RYR1: variants seen among roughly 807,000 people sequenced by gnomAD.
RYR1 encodes central core disease of muscle.
In RYR1, 342 loss-of-function variants were observed where a neutral mutation model predicts 583.5. The observed-to-expected ratio is 0.59, with a 90% CI of 0.54 to 0.64. The LOEUF is 0.64. Among genes scored for constraint, RYR1 ranks in the 30% least tolerant of loss-of-function variants. The pLI, the probability that RYR1 is intolerant of heterozygous loss-of-function variation, is 0.00. For missense variants in RYR1, 6,032 were observed against 6,917.2 expected (o/e 0.87, Z 4.54); for synonymous variants, 2,791 against 2,822.5 (o/e 0.99, Z 0.35).
chr19:38,477,898 T>TGGTGGTTGGG, intron 30 of RYR1, 28 bp downstream of exon 30: 1 of 873,692 alleles, frequency 1.1e-6, no homozygotes, highest in Non-Finnish European at 1.8e-6. Context: ...AGGTGGGAGG[T>TGGTGGTTGGG]GCAGGGTGGG....
rs542338960 is a variant in RYR1, at chr19:38,464,497, G to C, written c.2787-142G>C. 3.8e-5 allele frequency: 25 copies of C among 657,740 alleles called. 1 individual carries two copies. The South Asian group carries it at 4.2e-4, about 11-fold the overall frequency. 40.7% of individuals were successfully genotyped at this position (657,740 alleles called of 1,614,324 possible). A position where few individuals can be genotyped will look rare whatever the true frequency, so the allele number is the denominator to read the frequency against. On this transcript the variant is annotated intron_variant, in intron 22 of 105. Transcript: ENST00000359596. ...ACAGAAGTCATGAAGCCTGAGGCCA[G>C]GATCAAGAGAGACAGGGCCAGAGCG...
intron 72 of RYR1, among the ~76,000 whole-genome samples, 194 bp downstream of exon 72, chr19:38,527,246 C>T (rs1358319482): frequency 6.6e-6 from 1 of 152,216 alleles, no homozygotes; most frequent in African/African-American, 2.4e-5. Flanking sequence ...CACAATGGCT[C>T]ATGCCTGTAA....
chr19:38,516,176 C>T lies in RYR1; in HGVS notation c.9644C>T (p.Ala3215Val), dbSNP rs1353903570. 1 of 1,568,626 alleles carries T rather than the reference C, an allele frequency of 6.4e-7. No homozygotes were observed. The highest frequency in any genetic ancestry group is 8.6e-7 in the Non-Finnish European group (1 of 1,156,488). Residue 3215 changes from alanine (A) to valine (V), a missense_variant, in exon 65 of 106, where the codon GCC (alanine) becomes GTC (valine). Ala to Val is a moderately conservative substitution (Grantham distance 64). Around this residue, in one of 11 missense-constraint regions of RYR1, gnomAD observed 1,493 missense variants for 1,715.5 expected, o/e 0.87. Transcript: ENST00000359596. The part of the protein sequence containing the change: ...FLEPQLNEYN[A>V]CSVYTTKSPR... ...GAGCCGCAGCTGAACGAGTACAACGCCTGCTCCGTGTACACCACCAAGTCT... is the reference window on the plus strand; with the variant it reads ...GAGCCGCAGCTGAACGAGTACAACGTCTGCTCCGTGTACACCACCAAGTCT...
In RYR1 at chr19:38,499,420, G is replaced by A. The variant is rs1034246934; in HGVS notation, c.7027+177G>A. On this transcript the variant is annotated intron_variant, in intron 43 of 105. Coordinates refer to ENST00000359596, the MANE Select transcript of RYR1 (RefSeq NM_000540.3). This position sits in a 1 kb window ranked among gnomAD's most constrained non-coding sequence, Gnocchi z 7.3. Reference sequence around the variant, plus strand: ...CCTGGAGGTGTTGGGTCCTGTGGCTGGCAGTGTTGGATCCTGGGGCTGGCG... The same window carrying A: ...CCTGGAGGTGTTGGGTCCTGTGGCTAGCAGTGTTGGATCCTGGGGCTGGCG... Among the ~76,000 whole-genome samples the A allele has an allele frequency of 1.3e-5, 2 of 151,652 alleles. No individual in the cohort carries two copies. Among genetic ancestry groups the A allele is most frequent in the Non-Finnish European group, 2.9e-5 (2 of 67,892 alleles).
Position 38,575,972 on chromosome 19 carries a change from A to G in RYR1, c.14172+11A>G, listed in dbSNP as rs912044846. The stretch of plus-strand genomic sequence containing the variant: ...TTTGTCAAGCGCAAGGTGAGAGGAC[A>G]TGGATGCCCTGGGTCCTGGATTGGG... On this transcript the variant is annotated intron_variant, in intron 97 of 105. Coordinates refer to ENST00000359596, the MANE Select transcript of RYR1 (RefSeq NM_000540.3). The G allele has an allele frequency of 1.2e-6, 2 of 1,614,112 alleles. No individual in the cohort carries two copies. Among genetic ancestry groups the G allele is most frequent in the Non-Finnish European group, 1.7e-6 (2 of 1,179,942 alleles).
chr19:38,539,938 A>G (rs1013528187), intron 84 of RYR1, among the ~76,000 whole-genome samples: 12 of 151,702 alleles, frequency 7.9e-5, no homozygotes, highest in African/African-American at 2.9e-4. Flanking sequence ...AATTAACACA[A>G]ATAAAGGAGT....
In RYR1 at chr19:38,460,597, GC is replaced by G; in HGVS notation, c.2577+8del. ...GCCCTGTGGACACTGTCCAGGTACTGCCTGCCCTGCAAAGGTTTTCTGGCGA... is the reference window on the plus strand; with the variant it reads ...GCCCTGTGGACACTGTCCAGGTACTGCTGCCCTGCAAAGGTTTTCTGGCGA... On this transcript the variant is annotated splice_region_variant and intron_variant, in intron 20 of 105. Coordinates refer to ENST00000359596, the MANE Select transcript of RYR1 (RefSeq NM_000540.3). 6.2e-7 allele frequency: 1 copy of G among 1,608,714 alleles called. No individual in the cohort carries two copies. The highest frequency in any genetic ancestry group is 8.5e-7 in the Non-Finnish European group (1 of 1,179,514).
intron 89 of RYR1, among the ~76,000 whole-genome samples, chr19:38,560,586 A>G (rs1166871652): frequency 6.6e-6 from 1 of 150,656 alleles, no homozygotes; most frequent in Non-Finnish European, 1.5e-5. Flanking sequence ...AAAATTAGCC[A>G]GGTGTGGTGG....
chr19:38,442,490 G>A, intron 3 of RYR1, 37 bp downstream of exon 3: 1 of 1,521,458 alleles, frequency 6.6e-7, no homozygotes. Flanking sequence ...GGGTGGCAGA[G>A]ATGGGCGAGA....
Position 38,561,069 on chromosome 19 carries a change from G to T in RYR1, c.12283-44G>T. On this transcript the variant is annotated intron_variant, in intron 89 of 105. Coordinates refer to ENST00000359596, the MANE Select transcript of RYR1 (RefSeq NM_000540.3). The surrounding 1 kb of genome is among the most constrained non-coding windows in gnomAD (Gnocchi z 4.8). ...AAAAAAAAAAAAAAGAGAGAGAATT[G>T]AGGCTCTCCAGGTCACCCCACTGAC... 282 of 1,343,316 alleles carry T rather than the reference G, an allele frequency of 2.1e-4. No homozygotes were observed. Among genetic ancestry groups the T allele is most frequent in the Non-Finnish European group, 2.7e-4 (258 of 940,594 alleles). 83.2% of individuals were successfully genotyped at this position (1,343,316 alleles called of 1,614,324 possible). A position where few individuals can be genotyped will look rare whatever the true frequency, so the allele number is the denominator to read the frequency against.
chr19:38,541,408 G>C (rs1042320729), intron 84 of RYR1, among the ~76,000 whole-genome samples: 1 of 152,176 alleles, frequency 6.6e-6, no homozygotes, highest in Non-Finnish European at 1.5e-5. Context: ...ACATGTATCA[G>C]GTCTCAATGT....
Position 38,499,252 on chromosome 19 carries a change from G to T in RYR1, c.7027+9G>T, listed in dbSNP as rs752243108. 3.6e-5 allele frequency: 58 copies of T among 1,614,162 alleles called. No individual in the cohort carries two copies. In the East Asian group the frequency reaches 1.2e-3, roughly 34 times the overall value. ...TGCTGTCTTCGTCAACGGTGAGGAG[G>T]GGGTGGCAGTGGCAGAGCGGGAAGT... is the stretch of plus-strand genomic sequence containing the variant. On this transcript the variant is annotated intron_variant, in intron 43 of 105. Coordinates refer to ENST00000359596, the MANE Select transcript of RYR1 (RefSeq NM_000540.3). This position sits in a 1 kb window ranked among gnomAD's most constrained non-coding sequence, Gnocchi z 7.3.
chr19:38,546,937 G>T (rs1974492710), intron 88 of RYR1, among the ~76,000 whole-genome samples: 1 of 149,978 alleles, frequency 6.7e-6, no homozygotes, highest in South Asian at 2.1e-4. Context: ...GGGTGACAGA[G>T]CAAGACCCTG....
rs751541036 is a variant in RYR1, at chr19:38,573,179, G to T, written c.14001G>T (p.Val4667=). The change falls in exon 96 of 106, where the codon GTG becomes GTT. Residue 4667 remains valine, a splice_region_variant and synonymous_variant. Coordinates refer to ENST00000359596, the MANE Select transcript of RYR1 (RefSeq NM_000540.3). ...LCIIGYNCLK[V]PLVIFKREKE... is the part of the protein sequence containing the mutation. ...TTTGGCCTCCTCCCACTATCCAGGTGCCCCTGGTAATCTTTAAGCGGGAGA... is the reference window on the plus strand; with the variant it reads ...TTTGGCCTCCTCCCACTATCCAGGTTCCCCTGGTAATCTTTAAGCGGGAGA... 11 of 1,613,700 alleles carry T rather than the reference G, an allele frequency of 6.8e-6. No individual in the cohort carries two copies. Among genetic ancestry groups the T allele is most frequent in the Non-Finnish European group, 8.5e-7 (1 of 1,179,826 alleles).
chr19:38,564,649 C>T (rs993124231), intron 90 of RYR1, among the ~76,000 whole-genome samples: 2 of 151,934 alleles, frequency 1.3e-5, no homozygotes, highest in African/African-American at 4.8e-5. Flanking sequence ...TCCCGAGTAA[C>T]GGATTACAGG....
chr19:38,519,864 A>G (rs1213333358), intron 67 of RYR1, among the ~76,000 whole-genome samples: 2 of 151,806 alleles, frequency 1.3e-5, no homozygotes, highest in African/African-American at 4.8e-5. Context: ...TTTTTAGTAG[A>G]GACAGATTTT....
intron 34 of RYR1, 105 bp downstream of exon 34, chr19:38,486,307 A>G (rs1357854018): frequency 2.1e-5 from 28 of 1,347,212 alleles, no homozygotes; most frequent in Non-Finnish European, 6.4e-6. Context: ...CCAACCACCC[A>G]TTCATTCCCT....
At chr19:38,518,891 C>G (rs1368367414) in intron 66 of RYR1, among the ~76,000 whole-genome samples, 1 of 151,102 alleles carries the variant, frequency 6.6e-6, no homozygotes, top group African/African-American at 2.4e-5. Flanking sequence ...TGCGCCATTG[C>G]ACTCCAGTCT....
chr19:38,460,404 G>A lies in RYR1; in HGVS notation c.2390G>A (p.Gly797Asp), dbSNP rs896357123. ...CGGTTCCTCCTTGGTGGCCGCCATG[G>A]TGAATTCAAGTTCCTGCCCCCACCT... ...KVRFLLGGRHGEFKFLPPPGY... is the reference protein window; with the variant it reads ...KVRFLLGGRHDEFKFLPPPGY... Residue 797 changes from glycine (G) to aspartate (D), a missense_variant, in exon 20 of 106, where the codon GGT (glycine) becomes GAT (aspartate). By Grantham distance (94) the Gly-to-Asp change is moderately conservative. Coordinates refer to ENST00000359596, the MANE Select transcript of RYR1 (RefSeq NM_000540.3). 1.2e-5 allele frequency: 19 copies of A among 1,614,032 alleles called. No individual in the cohort carries two copies. The highest frequency in any genetic ancestry group is 1.4e-5 in the Non-Finnish European group (17 of 1,180,042).
Sources: allele counts gnomAD v4.1 joint callset (sites outside exome capture counted in the v4.1 genomes callset), GRCh38; gene constraint gnomAD v4.1.1; regional missense constraint gnomAD v4.1.1; non-coding constraint Gnocchi (gnomAD v3.1); transcripts MANE v1.5; gene names NCBI Gene and HGNC (gene_info 2026-07-23, HGNC 2026-07-21).